MALT1: variants seen among roughly 807,000 people sequenced by gnomAD.
The protein encoded by MALT1 is mucosa-associated lymphoid tissue lymphoma translocation protein 1.
MALT1 carries 36 observed loss-of-function variants against 85.5 expected under a neutral mutation model. The ratio of observed to expected loss-of-function variants is 0.42; its 90% CI spans 0.32 to 0.56. The LOEUF (loss-of-function observed/expected upper bound fraction) is 0.56. Ranked by LOEUF, MALT1 falls within the 20% of genes least tolerant of loss-of-function variation. The pLI is 0.10. For synonymous variants in MALT1, 359 were observed against 361.3 expected (o/e 0.99, Z 0.07); for missense variants, 716 against 981.6 (o/e 0.73, Z 3.62).
At chr18:58,693,385 C>T (rs1311692917) in intron 2 of MALT1, among the ~76,000 whole-genome samples, 1 of 152,184 alleles carries the variant, frequency 6.6e-6, no homozygotes, top group Non-Finnish European at 1.5e-5. Flanking sequence ...CATGACACTG[C>T]ACTCCAGCCT....
chr18:58,690,737 C>T (rs182156120), intron 2 of MALT1: 325 of 203,788 alleles, frequency 1.6e-3, no homozygotes, highest in Non-Finnish European at 2.7e-3. Context: ...CCAGCGTTGC[C>T]GCCTTCTCAG....
intron 2 of MALT1, chr18:58,690,593 G>A (rs1453165862): frequency 4.4e-5 from 7 of 157,888 alleles, no homozygotes; most frequent in Middle Eastern, 2.0e-3. Flanking sequence ...CTGGGACCCT[G>A]GGTAGAAACA....
chr18:58,737,755 G>C (rs570223436), intron 13 of MALT1, among the ~76,000 whole-genome samples: 1 of 152,078 alleles, frequency 6.6e-6, no homozygotes, highest in South Asian at 2.1e-4. Context: ...GCTAATTTTT[G>C]TATTTTTGGT....
chr18:58,724,178 A>T (rs2055022414), intron 10 of MALT1, among the ~76,000 whole-genome samples: 1 of 152,194 alleles, frequency 6.6e-6, no homozygotes, highest in African/African-American at 2.4e-5. Context: ...TGATAAGGCA[A>T]GTTTGGTCAG....
At chr18:58,734,166 C>T (rs2055192714) in intron 11 of MALT1, 141 bp from the exon 12 acceptor site, 1 of 1,120,502 alleles carries the variant, frequency 8.9e-7, no homozygotes, top group African/African-American at 1.6e-5. Context: ...TATGTAGCTA[C>T]CTAGATGAAA....
intron 11 of MALT1, chr18:58,734,082 A>G: frequency 3.8e-6 from 5 of 1,330,998 alleles, no homozygotes; most frequent in Non-Finnish European, 4.8e-6. Flanking sequence ...TTACCAATCA[A>G]AATCCAATGC....
intron 1 of MALT1, among the ~76,000 whole-genome samples, chr18:58,676,985 T>C (rs2054249741): frequency 1.3e-5 from 2 of 152,160 alleles, no homozygotes; most frequent in Admixed American, 1.3e-4. Flanking sequence ...AAGATAAAAA[T>C]AGAGATATTT....
intron 1 of MALT1, among the ~76,000 whole-genome samples, chr18:58,679,325 AT>A (rs1211184429): frequency 6.6e-6 from 1 of 152,256 alleles, no homozygotes; most frequent in Admixed American, 6.5e-5. Context: ...TTAGCAAACT[AT>A]TTCCATAGAG....
chr18:58,675,307 A>G (rs1423171626), intron 1 of MALT1: 1 of 152,272 alleles, frequency 6.6e-6, no homozygotes, highest in Non-Finnish European at 1.5e-5. Context: ...AAAAACAGTC[A>G]TTGCATACCT....
rs950063636 is a variant in MALT1, at chr18:58,746,791, G to A, written c.2038-614G>A. On this transcript the variant is annotated intron_variant, in intron 16 of 16. Coordinates refer to ENST00000649217, the MANE Select transcript of MALT1 (RefSeq NM_006785.4). The stretch of plus-strand genomic sequence containing the variant: ...CGCCTAGGTTGGAATGCAGTGGCGC[G>A]ATCTCAGCTCACTGCAACCTCCACC... Among the ~76,000 whole-genome samples the A allele has an allele frequency of 3.3e-5, 5 of 151,748 alleles. No individual in the cohort carries two copies. The South Asian group carries it at 8.4e-4, about 25-fold the overall frequency.
intron 9 of MALT1, 142 bp from the exon 10 acceptor site, chr18:58,722,906 A>G (rs1262417727): frequency 1.3e-5 from 8 of 624,478 alleles, no homozygotes; most frequent in Non-Finnish European, 2.8e-6. Flanking sequence ...AAATAGTTCT[A>G]AAATGAAATT....
At position 58,752,408 on chromosome 18, in the gene MALT1, C is replaced by T. The variant is rs2055458490; in HGVS notation, c.*4566C>T. 6.6e-6 allele frequency: 1 copy of T among 152,118 alleles called. No individual in the cohort carries two copies. Among genetic ancestry groups the T allele is most frequent in the African/African-American group, 2.4e-5 (1 of 41,418 alleles). 9.4% of individuals were successfully genotyped at this position (152,118 alleles called of 1,614,324 possible). A position where few individuals can be genotyped will look rare whatever the true frequency, so the allele number is the denominator to read the frequency against. On this transcript the variant is annotated 3_prime_UTR_variant, in exon 17 of 17. Coordinates refer to ENST00000649217, the MANE Select transcript of MALT1 (RefSeq NM_006785.4). ...ATTACTTTTATCTGTCAACTGATGTCAGCTACTCAATTTACACATTACTTT... is the reference window on the plus strand; with the variant it reads ...ATTACTTTTATCTGTCAACTGATGTTAGCTACTCAATTTACACATTACTTT...
chr18:58,703,033 C>A (rs2054696549), intron 4 of MALT1, among the ~76,000 whole-genome samples: 1 of 152,144 alleles, frequency 6.6e-6, no homozygotes, highest in South Asian at 2.1e-4. Flanking sequence ...CTTTAGTCTT[C>A]CGTAAACTCA....
chr18:58,690,759 A>G (rs1377915865), intron 2 of MALT1: 1 of 203,348 alleles, frequency 4.9e-6, no homozygotes, highest in Non-Finnish European at 1.1e-5. Flanking sequence ...GGTGTCAAGC[A>G]GGCCCTCTGG....
chr18:58,692,445 C>CTCTCTCTCTCTCTCTCTCTCTCTCTCT, intron 2 of MALT1, among the ~76,000 whole-genome samples: 2 of 28,420 alleles, frequency 7.0e-5, no homozygotes, highest in East Asian at 6.7e-4. Flanking sequence ...TCACTCTCTC[C>CTCTCTCTCTCTCTCTCTCTCTCTCTCT]CTCCCTCCCT....
intron 8 of MALT1, among the ~76,000 whole-genome samples, chr18:58,715,695 T>C (rs1448294684): frequency 6.6e-6 from 1 of 152,186 alleles, no homozygotes; most frequent in Non-Finnish European, 1.5e-5. Context: ...ATTAGATCTG[T>C]TATATATAAA....
At chr18:58,738,590 A>G (rs2055257311) in intron 13 of MALT1, among the ~76,000 whole-genome samples, 1 of 142,942 alleles carries the variant, frequency 7.0e-6, no homozygotes, top group African/African-American at 2.6e-5. Context: ...GTGGTTGCCG[A>G]GTCTACACTT....
chr18:58,731,755 G>T (rs900244215), intron 10 of MALT1, among the ~76,000 whole-genome samples: 1 of 150,980 alleles, frequency 6.6e-6, no homozygotes, highest in Non-Finnish European at 1.5e-5. Context: ...TTTCATTGTT[G>T]CTTGATAACA....
intron 2 of MALT1, among the ~76,000 whole-genome samples, chr18:58,690,048 T>C (rs1320851448): frequency 1.3e-5 from 2 of 152,236 alleles, no homozygotes; most frequent in Non-Finnish European, 2.9e-5. Context: ...ATGCTTCACT[T>C]TATTGCACTT....
Sources: allele counts gnomAD v4.1 joint callset (sites outside exome capture counted in the v4.1 genomes callset), GRCh38; gene constraint gnomAD v4.1.1; transcripts MANE v1.5; gene names NCBI Gene and HGNC (gene_info 2026-07-23, HGNC 2026-07-21).